Variants in NCKAP5 observed in about 807,000 individuals in gnomAD.
The protein encoded by NCKAP5 is nck-associated protein 5.
NCKAP5 carries 92 observed loss-of-function variants against 167.0 expected under a neutral mutation model. The observed-to-expected ratio is 0.55, with a 90% confidence interval of 0.47 to 0.66. The LOEUF is 0.66. Ranked by LOEUF, NCKAP5 falls within the 30% of genes least tolerant of loss-of-function variation. The pLI is 0.00. For synonymous variants in NCKAP5, 891 were observed against 877.4 expected, an observed-to-expected ratio of 1.02 and a Z score of -0.27; for missense variants, 2,378 against 2,315.0, an observed-to-expected ratio of 1.03 and a Z score of -0.56.
intron 2 of NCKAP5, among the ~76,000 whole-genome samples, chr2:133,551,084 G>T (rs1435283066): frequency 6.6e-6 from 1 of 150,838 alleles, no homozygotes; most frequent in Admixed American, 6.6e-5. Context: ...ACTGCTCAAG[G>T]AAATAAAAGA....
At chr2:132,799,964 T>C (rs1004836306) in intron 11 of NCKAP5, among the ~76,000 whole-genome samples, 1 of 152,194 alleles carries the variant, frequency 6.6e-6, no homozygotes, top group African/African-American at 2.4e-5. Context: ...ACAACTTCCC[T>C]TAAATAACTG....
chr2:132,988,460 C>CAAAAAAAAA (rs57024269), intron 7 of NCKAP5, among the ~76,000 whole-genome samples: 1 of 70,626 alleles, frequency 1.4e-5, no homozygotes, highest in African/African-American at 5.0e-5. Flanking sequence ...GACTTTGCCT[C>CAAAAAAAAA]AAAAAAAAAA....
intron 8 of NCKAP5, among the ~76,000 whole-genome samples, chr2:132,932,855 G>T (rs1313652239): frequency 6.6e-6 from 1 of 150,588 alleles, no homozygotes; most frequent in African/African-American, 2.4e-5. Context: ...AAGAAAAGAA[G>T]ATTAAAGGTA....
intron 4 of NCKAP5, among the ~76,000 whole-genome samples, chr2:133,280,933 T>C (rs1246343561): frequency 1.3e-5 from 2 of 152,198 alleles, no homozygotes; most frequent in Admixed American, 6.5e-5. Flanking sequence ...ACAGAAAATA[T>C]TGCCCTCTTA....
At chr2:132,889,123 G>A (rs1343418616) in intron 8 of NCKAP5, among the ~76,000 whole-genome samples, 1 of 152,162 alleles carries the variant, frequency 6.6e-6, no homozygotes, top group Non-Finnish European at 1.5e-5. Context: ...TGCAGAGAGA[G>A]ATAGGCCAGG....
intron 3 of NCKAP5, among the ~76,000 whole-genome samples, chr2:133,341,283 GA>G (rs1559398615): frequency 4.5e-5 from 5 of 110,378 alleles, no homozygotes; most frequent in Non-Finnish European, 9.4e-5. Context: ...GAAGTGAGCA[GA>G]TTTTTTTTTT....
intron 2 of NCKAP5, among the ~76,000 whole-genome samples, chr2:133,547,943 A>C (rs991174812): frequency 6.8e-5 from 10 of 146,578 alleles, no homozygotes; most frequent in African/African-American, 2.6e-4. Context: ...CTACGGGAGG[A>C]CATTCAAACC....
chr2:132,684,800 G>A (rs923305529), intron 19 of NCKAP5, among the ~76,000 whole-genome samples: 51 of 152,246 alleles, frequency 3.3e-4, no homozygotes, highest in Middle Eastern at 3.4e-3. Context: ...TATGCTATCC[G>A]TTCTGACATC....
chr2:133,050,703 T>A, intron 6 of NCKAP5, among the ~76,000 whole-genome samples: 1 of 152,206 alleles, frequency 6.6e-6, no homozygotes, highest in East Asian at 1.9e-4. Context: ...TATATCAAAA[T>A]ATGCCCCTTA....
intron 1 of NCKAP5, among the ~76,000 whole-genome samples, chr2:133,566,065 G>GC (rs1038913689): frequency 6.2e-4 from 94 of 152,258 alleles, no homozygotes; most frequent in Middle Eastern, 3.4e-3. Flanking sequence ...GTCCAGGAAG[G>GC]CCCCCCGCCC....
intron 8 of NCKAP5, among the ~76,000 whole-genome samples, chr2:132,917,271 A>G (rs1694958334): frequency 6.6e-6 from 1 of 152,202 alleles, no homozygotes. Flanking sequence ...TCAGTGCTTC[A>G]TTATGGTTTT....
intron 11 of NCKAP5, among the ~76,000 whole-genome samples, chr2:132,827,767 T>A (rs1052804231): frequency 6.6e-6 from 1 of 152,224 alleles, no homozygotes; most frequent in African/African-American, 2.4e-5. Context: ...TGCTTTCTCA[T>A]GGCCTTGATT....
intron 3 of NCKAP5, among the ~76,000 whole-genome samples, chr2:133,436,842 C>T (rs999423180): frequency 4.6e-5 from 7 of 152,034 alleles, no homozygotes; most frequent in African/African-American, 1.7e-4. Context: ...CCTATGAGCC[C>T]GTTTTCTCAG....
At chr2:132,947,253 A>T (rs1186615197) in intron 8 of NCKAP5, among the ~76,000 whole-genome samples, 2 of 152,220 alleles carry the variant, frequency 1.3e-5, no homozygotes, top group Admixed American at 6.5e-5. Context: ...TACTAAAAAA[A>T]GTTAAGAAGA....
intron 4 of NCKAP5, among the ~76,000 whole-genome samples, chr2:133,258,291 T>C (rs760779608): frequency 2.6e-5 from 4 of 152,202 alleles, no homozygotes; most frequent in Non-Finnish European, 5.9e-5. Flanking sequence ...TAATCACTCC[T>C]TGCTCCTCAC....
At chr2:133,469,875 C>G (rs2151275228) in intron 3 of NCKAP5, among the ~76,000 whole-genome samples, 1 of 150,368 alleles carries the variant, frequency 6.7e-6, no homozygotes, top group Non-Finnish European at 1.5e-5. Context: ...CTCCTTTAAG[C>G]ACTTCTCTGT....
At chr2:133,160,960 T>C (rs72617005) in intron 5 of NCKAP5, among the ~76,000 whole-genome samples, 19,122 of 152,090 alleles carry the variant, frequency 0.13, 1,677 homozygotes, top group African/African-American at 0.25. Context: ...TGTGGACCGG[T>C]AGCAGTCTGT....
At chr2:133,086,271 T>A (rs1295932892) in intron 6 of NCKAP5, among the ~76,000 whole-genome samples, 2 of 152,172 alleles carry the variant, frequency 1.3e-5, no homozygotes, top group African/African-American at 4.8e-5. Flanking sequence ...GGAGAAAATA[T>A]CTAAACAAAC....
intron 19 of NCKAP5, among the ~76,000 whole-genome samples, chr2:132,716,545 A>T (rs1265378402): frequency 2.0e-5 from 3 of 151,842 alleles, no homozygotes; most frequent in African/African-American, 7.3e-5. Context: ...GCTCCTTTTT[A>T]AAAGTGTTGG....
Sources: gnomAD v4.1 joint callset for allele counts (sites outside exome capture counted in the v4.1 genomes callset) on GRCh38, gnomAD v4.1.1 for gene constraint, MANE v1.5 for transcripts, NCBI Gene and HGNC (gene_info 2026-07-23, HGNC 2026-07-21) for gene names.